Variants in TOX observed in about 807,000 individuals in gnomAD.
TOX encodes thymocyte selection-associated high mobility group box protein TOX.
TOX carries 11 observed loss-of-function variants against 53.7 expected under a neutral mutation model. That is an observed-to-expected ratio of 0.20 (90% CI 0.13 to 0.34). TOX has a LOEUF of 0.34. Among genes scored for constraint, TOX ranks in the 10% least tolerant of loss-of-function variants. The pLI is 1.00. For synonymous variants in TOX, 225 were observed against 245.3 expected (o/e 0.92, Z 0.77); for missense variants, 570 against 664.6 (o/e 0.86, Z 1.56).
In TOX at chr8:58,838,174, G is replaced by A. The variant is rs549813687; in HGVS notation, c.831C>T (p.Ala277=). Residue 277 remains alanine, a synonymous_variant, in exon 5 of 9, where the codon GCC becomes GCT. Transcript: ENST00000361421. ...CGTTTGGATTTTGGCCCTTGATGGC[G>A]GCCTGAGTATCACGAAAGAATAACG... The part of the protein sequence containing the change: ...AYALFFRDTQ[A]AIKGQNPNAT... The A allele has an allele frequency of 2.7e-5, 44 of 1,614,168 alleles. No homozygotes were observed. The highest frequency in any genetic ancestry group is 1.3e-4 in the South Asian group (12 of 91,082).
intron 1 of TOX, among the ~76,000 whole-genome samples, chr8:58,967,109 C>T (rs564677527): frequency 9.9e-5 from 15 of 152,004 alleles, no homozygotes; most frequent in African/African-American, 2.9e-4. Flanking sequence ...CTCCTGACCT[C>T]GTGATCTGCC....
intron 1 of TOX, among the ~76,000 whole-genome samples, chr8:58,994,474 T>C (rs1813522413): frequency 6.6e-6 from 1 of 151,850 alleles, no homozygotes; most frequent in Non-Finnish European, 1.5e-5. Context: ...TAAATCTCTT[T>C]AGACCTGTCG....
chr8:59,104,515 CTGAT>C (rs1246937475), intron 1 of TOX, among the ~76,000 whole-genome samples: 1 of 152,192 alleles, frequency 6.6e-6, no homozygotes, highest in Non-Finnish European at 1.5e-5. Context: ...GATACTCTCT[CTGAT>C]AATCAGAACT....
intron 3 of TOX, among the ~76,000 whole-genome samples, chr8:58,908,231 C>G (rs1472740216): frequency 6.6e-6 from 1 of 152,132 alleles, no homozygotes; most frequent in East Asian, 1.9e-4. Flanking sequence ...CATCATAGAA[C>G]TGTACAGTAA....
Position 58,815,674 on chromosome 8 carries a change from G to C in TOX, c.1056C>G (p.Ile352Met), listed in dbSNP as rs1445767980. The C allele has an allele frequency of 6.2e-7, 1 of 1,614,008 alleles. No homozygotes were observed. Among genetic ancestry groups the C allele is most frequent in the Non-Finnish European group, 8.5e-7 (1 of 1,179,962 alleles). ...CATGGAACACCGACGGCTTCGAATT[G>C]ATCAGCTGAGGAGGTTGAGATGTCT... is the stretch of plus-strand genomic sequence containing the variant. Reference protein sequence around the residue: ...DVKTSQPPQLINSKPSVFHGP... With the variant: ...DVKTSQPPQLMNSKPSVFHGP... The change falls in exon 7 of 9, where the codon ATC becomes ATG. Residue 352 changes from isoleucine (I) to methionine (M), a missense_variant. Physicochemically the swap from Ile to Met is conservative, Grantham distance 10 (BLOSUM62 1). Transcript: ENST00000361421.
chr8:59,112,902 A>G (rs1019542927), intron 1 of TOX, among the ~76,000 whole-genome samples: 4 of 152,224 alleles, frequency 2.6e-5, no homozygotes, highest in African/African-American at 9.7e-5. Context: ...TTACAATGTA[A>G]TTGTTAATAG....
intron 6 of TOX, among the ~76,000 whole-genome samples, chr8:58,825,486 C>T (rs1336413639): frequency 6.6e-6 from 1 of 152,200 alleles, no homozygotes; most frequent in East Asian, 1.9e-4. Flanking sequence ...AAAGTAAAGG[C>T]TTAGTCAGTA....
chr8:59,058,410 C>A (rs1273926596), intron 1 of TOX, among the ~76,000 whole-genome samples: 1 of 152,146 alleles, frequency 6.6e-6, no homozygotes, highest in Admixed American at 6.6e-5. Flanking sequence ...CCAGAAGGAG[C>A]AAGTGGGGCC....
chr8:59,082,725 C>T (rs562782681), intron 1 of TOX, among the ~76,000 whole-genome samples: 3 of 152,162 alleles, frequency 2.0e-5, no homozygotes, highest in East Asian at 3.9e-4. Flanking sequence ...TGAAGAATAC[C>T]ATTGAGAAGT....
intron 1 of TOX, among the ~76,000 whole-genome samples, chr8:59,005,654 TA>T (rs1303992631): frequency 5.3e-5 from 8 of 152,144 alleles, no homozygotes; most frequent in East Asian, 3.9e-4. Flanking sequence ...AGTTTAACTT[TA>T]TTTTTTTTAA....
At chr8:59,040,772 A>T (rs2914088) in intron 1 of TOX, among the ~76,000 whole-genome samples, 139,245 of 152,282 alleles carry the variant, frequency 0.91, 63,833 homozygotes, top group East Asian at 1. Context: ...TAGAGCCCCA[A>T]GCTACTCACT....
chr8:58,827,001 A>C (rs1450875597), intron 5 of TOX, 99 bp from the exon 6 acceptor site: 4 of 644,704 alleles, frequency 6.2e-6, no homozygotes, highest in Non-Finnish European at 7.0e-6. Flanking sequence ...AAACACACTT[A>C]TAGTTATATA....
At chr8:58,893,325 C>T (rs764043286) in intron 3 of TOX, among the ~76,000 whole-genome samples, 13 of 151,998 alleles carry the variant, frequency 8.6e-5, no homozygotes, top group African/African-American at 1.2e-4. Flanking sequence ...TTCTTTTCTC[C>T]GAAGACATTG....
rs73252677 is a variant in TOX, at chr8:58,937,492, T to A, written c.411+1810A>T. Among the ~76,000 whole-genome samples, 959 of 152,230 alleles carry A rather than the reference T, an allele frequency of 6.3e-3. 9 individuals are homozygous for A. The highest frequency in any genetic ancestry group is 0.022 in the African/African-American group (907 of 41,552). On this transcript the variant is annotated intron_variant, in intron 3 of 8. Transcript: ENST00000361421. ...ACTGAGTCCAGTCCCAAATGTGCCA[T>A]TTGAGGATGGCATGACTGCCATGGG... is the stretch of plus-strand genomic sequence containing the variant.
intron 4 of TOX, among the ~76,000 whole-genome samples, chr8:58,846,537 C>T (rs531817671): frequency 2.0e-4 from 31 of 152,228 alleles, no homozygotes; most frequent in Middle Eastern, 3.4e-3. Context: ...AATAAAAACT[C>T]CTACTCTAAA....
chr8:58,915,499 T>C (rs1293985501), intron 3 of TOX, among the ~76,000 whole-genome samples: 1 of 118,848 alleles, frequency 8.4e-6, no homozygotes, highest in Non-Finnish European at 1.7e-5. Context: ...GTCCTGTCTG[T>C]TAGAAGGAAA....
At chr8:59,016,591 T>C (rs1814014449) in intron 1 of TOX, among the ~76,000 whole-genome samples, 1 of 152,222 alleles carries the variant, frequency 6.6e-6, no homozygotes, top group Non-Finnish European at 1.5e-5. Flanking sequence ...GTAAAACTGC[T>C]ATTTATTTAT....
intron 1 of TOX, among the ~76,000 whole-genome samples, chr8:59,079,885 G>C (rs2129423087): frequency 6.6e-6 from 1 of 152,298 alleles, no homozygotes; most frequent in East Asian, 1.9e-4. Flanking sequence ...GCTTAGCCCT[G>C]CAAAGCCACA....
At chr8:58,913,330 A>C (rs1811939058) in intron 3 of TOX, among the ~76,000 whole-genome samples, 1 of 152,314 alleles carries the variant, frequency 6.6e-6, no homozygotes, top group Admixed American at 6.5e-5. Context: ...CAAATAAATA[A>C]AAATAAAATA....
Sources: gnomAD v4.1 joint callset for allele counts (sites outside exome capture counted in the v4.1 genomes callset) on GRCh38, gnomAD v4.1.1 for gene constraint, MANE v1.5 for transcripts, NCBI Gene and HGNC (gene_info 2026-07-23, HGNC 2026-07-21) for gene names.